The following NELL1 variants were observed in gnomAD, a reference collection of about 807,000 sequenced individuals.
NELL1 encodes protein kinase C-binding protein NELL1.
Under a neutral mutation model 107.4 loss-of-function variants are expected in NELL1, and 76 were observed. That is an observed-to-expected ratio of 0.71 (90% CI 0.59 to 0.86). The LOEUF is 0.86. Among genes scored for constraint, NELL1 ranks in the 40% least tolerant of loss-of-function variants. The pLI is 0.00. For missense variants in NELL1, 1,024 were observed against 1,005.5 expected (o/e 1.02, Z -0.25); for synonymous variants, 353 against 341.2 (o/e 1.03, Z -0.38).
chr11:20,980,335 A>G (rs1851725204), intron 12 of NELL1, among the ~76,000 whole-genome samples: 3 of 152,160 alleles, frequency 2.0e-5, no homozygotes, highest in African/African-American at 7.2e-5. Flanking sequence ...AAAGATGAAC[A>G]TATAGATTCC....
intron 14 of NELL1, among the ~76,000 whole-genome samples, chr11:21,274,544 C>T (rs537888194): frequency 9.9e-5 from 15 of 152,260 alleles, no homozygotes; most frequent in Middle Eastern, 3.4e-3. Flanking sequence ...CTGCACCAAG[C>T]GGACCTAATA....
chr11:21,203,545 T>C (rs914584201), intron 13 of NELL1, among the ~76,000 whole-genome samples: 2 of 151,426 alleles, frequency 1.3e-5, no homozygotes, highest in African/African-American at 4.9e-5. Flanking sequence ...TACAGCACAC[T>C]GATGGGTCTT....
chr11:21,078,053 T>A (rs1854182962), intron 12 of NELL1, among the ~76,000 whole-genome samples: 3 of 152,026 alleles, frequency 2.0e-5, no homozygotes, highest in Admixed American at 6.5e-5. Context: ...CCTAATTACG[T>A]CCTTATGATT....
At chr11:20,927,617 T>C (rs747348852) in intron 8 of NELL1, among the ~76,000 whole-genome samples, 175 bp downstream of exon 8, 22 of 152,200 alleles carry the variant, frequency 1.4e-4, no homozygotes, top group Admixed American at 5.2e-4. Context: ...GAGTGTCATG[T>C]CTTATATGAA....
chr11:21,320,177 T>C (rs1341901298), intron 14 of NELL1, among the ~76,000 whole-genome samples: 2 of 152,126 alleles, frequency 1.3e-5, no homozygotes, highest in East Asian at 1.9e-4. Context: ...AACAGTTATA[T>C]GGTTGCTCAA....
At chr11:21,503,207 C>T (rs1003945141) in intron 15 of NELL1, among the ~76,000 whole-genome samples, 16 of 152,076 alleles carry the variant, frequency 1.1e-4, no homozygotes, top group African/African-American at 3.1e-4. Flanking sequence ...ATACTTTGTT[C>T]GCAAAGACAG....
intron 2 of NELL1, among the ~76,000 whole-genome samples, chr11:20,776,952 A>G (rs1476357333): frequency 2.0e-5 from 3 of 152,182 alleles, no homozygotes; most frequent in Non-Finnish European, 4.4e-5. Flanking sequence ...ATGTGTTGGT[A>G]TTTACCTCAT....
At chr11:20,701,647 A>T (rs1216283274) in intron 2 of NELL1, among the ~76,000 whole-genome samples, 1 of 152,146 alleles carries the variant, frequency 6.6e-6, no homozygotes, top group Admixed American at 6.6e-5. Flanking sequence ...TTTAGGTCTA[A>T]CATTTAAGTC....
chr11:20,893,855 TA>T (rs10658756), intron 5 of NELL1, among the ~76,000 whole-genome samples: 24 of 127,144 alleles, frequency 1.9e-4, no homozygotes, highest in Non-Finnish European at 2.1e-4. Flanking sequence ...GTGAGGTAGT[TA>T]AAAAAAAAAA....
At chr11:20,857,743 G>A (rs1357827898) in intron 4 of NELL1, among the ~76,000 whole-genome samples, 2 of 152,226 alleles carry the variant, frequency 1.3e-5, no homozygotes, top group Non-Finnish European at 1.5e-5. Flanking sequence ...GCAGGTGAGA[G>A]AGTCTTTCTG....
At chr11:20,921,701 A>G (rs1174449178) in intron 7 of NELL1, among the ~76,000 whole-genome samples, 2 of 152,116 alleles carry the variant, frequency 1.3e-5, no homozygotes, top group Non-Finnish European at 2.9e-5. Flanking sequence ...TTTTCAGATC[A>G]TACCTGTTTG....
intron 13 of NELL1, among the ~76,000 whole-genome samples, chr11:21,216,407 T>C (rs1292959051): frequency 6.6e-6 from 1 of 152,106 alleles, no homozygotes; most frequent in Non-Finnish European, 1.5e-5. Flanking sequence ...CCACCATCCT[T>C]CAGATCCCAG....
chr11:20,730,050 C>T (rs1199380200), intron 2 of NELL1, among the ~76,000 whole-genome samples: 2 of 152,244 alleles, frequency 1.3e-5, no homozygotes, highest in South Asian at 4.1e-4. Flanking sequence ...TCATATAGGA[C>T]CTTAGACACA....
chr11:21,114,328 A>C (rs1441033579), intron 13 of NELL1, among the ~76,000 whole-genome samples: 1 of 151,986 alleles, frequency 6.6e-6, no homozygotes, highest in African/African-American at 2.4e-5. Flanking sequence ...TACAGACATG[A>C]ACAGTAAATT....
At chr11:21,000,448 A>T (rs1284523447) in intron 12 of NELL1, among the ~76,000 whole-genome samples, 1 of 152,188 alleles carries the variant, frequency 6.6e-6, no homozygotes, top group Non-Finnish European at 1.5e-5. Flanking sequence ...ATCTTTACCC[A>T]GAATCCTCTG....
chr11:21,132,688 T>C (rs1021738094), intron 13 of NELL1, among the ~76,000 whole-genome samples: 5 of 151,676 alleles, frequency 3.3e-5, no homozygotes, highest in Non-Finnish European at 7.4e-5. Flanking sequence ...CCAAAGAAGA[T>C]GCTACAGCCC....
At chr11:21,545,630 A>T (rs1377166976) in intron 16 of NELL1, among the ~76,000 whole-genome samples, 1 of 151,236 alleles carries the variant, frequency 6.6e-6, no homozygotes, top group African/African-American at 2.4e-5. Context: ...CTTGAAGTTG[A>T]TAAGCAAATT....
At chr11:21,306,235 C>T (rs1849601680) in intron 14 of NELL1, among the ~76,000 whole-genome samples, 1 of 151,900 alleles carries the variant, frequency 6.6e-6, no homozygotes, top group Non-Finnish European at 1.5e-5. Context: ...TATACTGAAA[C>T]AATTAATCAA....
At chr11:20,900,543 A>G (rs1347534341) in intron 5 of NELL1, among the ~76,000 whole-genome samples, 2 of 152,136 alleles carry the variant, frequency 1.3e-5, no homozygotes, top group South Asian at 2.1e-4. Flanking sequence ...CACACATCCA[A>G]GGAAATAATT....
Sources: gnomAD v4.1 joint callset for allele counts (sites outside exome capture counted in the v4.1 genomes callset) on GRCh38, gnomAD v4.1.1 for gene constraint, MANE v1.5 for transcripts, NCBI Gene and HGNC (gene_info 2026-07-23, HGNC 2026-07-21) for gene names.